The following CNTNAP5 variants were observed in gnomAD, a reference collection of about 807,000 sequenced individuals.
The protein encoded by CNTNAP5 is contactin-associated protein-like 5.
Under a neutral mutation model 150.2 loss-of-function variants are expected in CNTNAP5, and 72 were observed. The observed-to-expected ratio is 0.48, with a 90% CI of 0.40 to 0.58. The LOEUF (loss-of-function observed/expected upper bound fraction) is 0.58. Ranked by LOEUF, CNTNAP5 falls within the 20% of genes least tolerant of loss-of-function variation. The pLI, the probability that CNTNAP5 is intolerant of heterozygous loss-of-function variation, is 0.00. For synonymous variants in CNTNAP5, 672 were observed against 619.8 expected (o/e 1.08, Z -1.25); for missense variants, 1,636 against 1,626.2 (o/e 1.01, Z -0.10).
intron 3 of CNTNAP5, among the ~76,000 whole-genome samples, chr2:124,388,455 T>C (rs1224486122): frequency 6.6e-6 from 1 of 152,198 alleles, no homozygotes; most frequent in Non-Finnish European, 1.5e-5. Flanking sequence ...CTTCCCATAT[T>C]TAGCAAAAGC....
intron 3 of CNTNAP5, among the ~76,000 whole-genome samples, chr2:124,265,316 T>G (rs1276371842): frequency 6.6e-6 from 1 of 152,162 alleles, no homozygotes; most frequent in Non-Finnish European, 1.5e-5. Context: ...TTTCACCTTC[T>G]GCCGCCATTA....
intron 3 of CNTNAP5, among the ~76,000 whole-genome samples, chr2:124,348,208 A>G (rs1224868943): frequency 6.6e-6 from 1 of 152,144 alleles, no homozygotes. Flanking sequence ...ATAATGTTAT[A>G]AATTATTTTC....
intron 3 of CNTNAP5, among the ~76,000 whole-genome samples, chr2:124,412,918 G>T (rs1259205483): frequency 7.3e-4 from 77 of 104,936 alleles, no homozygotes; most frequent in African/African-American, 2.7e-3. Flanking sequence ...CACAGCAAAA[G>T]AAACTACTAT....
rs536431321 is a variant in CNTNAP5 at position 124,312,605 on chromosome 2, C to G, written c.381+70212C>G. On this transcript the variant is annotated intron_variant, in intron 3 of 23. Transcript: ENST00000682447. ...TTTGTTTTTGAGACGGAGTCTCGCT[C>G]TTTCGCCCAGGCCGGACTGCAGTGG... Among the ~76,000 whole-genome samples the G allele has an allele frequency of 2.6e-5, 4 of 152,174 alleles. No homozygotes were observed. The East Asian group carries it at 7.8e-4, about 30-fold the overall frequency.
intron 13 of CNTNAP5, among the ~76,000 whole-genome samples, chr2:124,670,151 T>TCCTTCCTC: frequency 7.6e-6 from 1 of 131,194 alleles, no homozygotes; most frequent in Non-Finnish European, 1.6e-5. Flanking sequence ...CTTCCTTCCT[T>TCCTTCCTC]CCTTCCTTCC....
At chr2:124,601,500 A>G (rs1696982115) in intron 11 of CNTNAP5, among the ~76,000 whole-genome samples, 1 of 152,238 alleles carries the variant, frequency 6.6e-6, no homozygotes, top group Admixed American at 6.5e-5. Context: ...GAAATGTAAG[A>G]TAGAGACCAA....
intron 3 of CNTNAP5, among the ~76,000 whole-genome samples, chr2:124,326,939 C>T (rs1689234107): frequency 6.7e-6 from 1 of 148,894 alleles, no homozygotes; most frequent in Admixed American, 6.7e-5. Context: ...TGTACCACTG[C>T]ACTACAGCCT....
chr2:124,403,785 G>GTT, intron 3 of CNTNAP5, among the ~76,000 whole-genome samples: 1 of 152,274 alleles, frequency 6.6e-6, no homozygotes, highest in East Asian at 1.9e-4. Context: ...AAAGAAGGAG[G>GTT]TTTAATTGAC....
Position 124,296,090 on chromosome 2 carries a change from T to C in CNTNAP5, c.381+53697T>C, listed in dbSNP as rs146961250. Among the ~76,000 whole-genome samples the C allele has an allele frequency of 2.1e-3, 315 of 152,332 alleles. 2 individuals carry two copies. The highest frequency in any genetic ancestry group is 7.0e-3 in the South Asian group (34 of 4,834). ...ATTTTGGCCTATTCTTTTTTATATG[T>C]ATATCTTACTAGATCCATTCATATC... On this transcript the variant is annotated intron_variant, in intron 3 of 23. Coordinates refer to ENST00000682447, the MANE Select transcript of CNTNAP5 (RefSeq NM_001367498.1).
intron 1 of CNTNAP5, among the ~76,000 whole-genome samples, chr2:124,173,552 G>A (rs886314997): frequency 1.3e-5 from 2 of 152,198 alleles, no homozygotes; most frequent in Non-Finnish European, 2.9e-5. Context: ...ATTTTCTTAA[G>A]CAGTAGCCCC....
At chr2:124,840,694 G>A (rs943277568) in intron 19 of CNTNAP5, among the ~76,000 whole-genome samples, 12 of 151,992 alleles carry the variant, frequency 7.9e-5, no homozygotes, top group Admixed American at 3.3e-4. Context: ...ACAACTTAAC[G>A]TTGTGAAAAC....
chr2:124,217,173 G>T (rs74879521), intron 1 of CNTNAP5, among the ~76,000 whole-genome samples: 13 of 152,200 alleles, frequency 8.5e-5, no homozygotes, highest in Non-Finnish European at 1.8e-4. Flanking sequence ...TCTATCCCAA[G>T]TTGTGTGTCC....
chr2:124,585,221 C>T (rs1431580872), intron 11 of CNTNAP5, among the ~76,000 whole-genome samples: 1 of 152,114 alleles, frequency 6.6e-6, no homozygotes. Context: ...CCTTTCAGGT[C>T]CTGGGGAGGC....
chr2:124,747,366 G>A lies in CNTNAP5; in HGVS notation c.2215G>A (p.Asp739Asn), dbSNP rs1680626600. Residue 739 changes from aspartate (D) to asparagine (N), a missense_variant, in exon 14 of 24, where the codon GAC (aspartate) becomes AAC (asparagine). Physicochemically the swap from Asp to Asn is conservative, Grantham distance 23. Coordinates refer to ENST00000682447, the MANE Select transcript of CNTNAP5 (RefSeq NM_001367498.1). ...CLDIQHFCNC[D>N]ADKDEWTNDT... The stretch of plus-strand genomic sequence containing the variant: ...GGACATTCAGCACTTTTGCAATTGC[G>A]ACGCTGACAAGGATGAATGGTAATG... The A allele has an allele frequency of 5.6e-6, 9 of 1,613,730 alleles. No homozygotes were observed. The highest frequency in any genetic ancestry group is 7.6e-6 in the Non-Finnish European group (9 of 1,179,742).
intron 10 of CNTNAP5, among the ~76,000 whole-genome samples, chr2:124,536,144 T>C (rs1695226707): frequency 6.6e-6 from 1 of 152,210 alleles, no homozygotes; most frequent in African/African-American, 2.4e-5. Context: ...TGTTCTCCCT[T>C]AACTCATGGG....
intron 1 of CNTNAP5, among the ~76,000 whole-genome samples, chr2:124,190,928 C>T (rs190332823): frequency 1.3e-5 from 2 of 152,250 alleles, no homozygotes; most frequent in African/African-American, 4.8e-5. Context: ...TTTATCTTCT[C>T]ATTCTCTGGG....
At chr2:124,462,607 C>T (rs773634608) in intron 6 of CNTNAP5, among the ~76,000 whole-genome samples, 1 of 152,154 alleles carries the variant, frequency 6.6e-6, no homozygotes, top group South Asian at 2.1e-4. Flanking sequence ...TAGTGTGCTA[C>T]TTCTAGTGGA....
At chr2:124,649,881 G>A (rs182982405) in intron 13 of CNTNAP5, among the ~76,000 whole-genome samples, 4 of 152,236 alleles carry the variant, frequency 2.6e-5, no homozygotes, top group Admixed American at 2.6e-4. Flanking sequence ...TTGCAGCAGG[G>A]AACATCCAAA....
chr2:124,185,148 A>G (rs988505551), intron 1 of CNTNAP5, among the ~76,000 whole-genome samples: 2 of 152,150 alleles, frequency 1.3e-5, no homozygotes, highest in Non-Finnish European at 2.9e-5. Flanking sequence ...TCCTTATTAA[A>G]ATTCCTTTTG....
Sources: allele counts gnomAD v4.1 joint callset (sites outside exome capture counted in the v4.1 genomes callset), GRCh38; gene constraint gnomAD v4.1.1; transcripts MANE v1.5; gene names NCBI Gene and HGNC (gene_info 2026-07-23, HGNC 2026-07-21).